MDGA2: variants seen among roughly 807,000 people sequenced by gnomAD.
MDGA2 encodes MAM domain containing glycosylphosphatidylinositol anchor 2.
Under a neutral mutation model 117.8 loss-of-function variants are expected in MDGA2, and 40 were observed. The ratio of observed to expected loss-of-function variants is 0.34; its 90% confidence interval spans 0.26 to 0.44. MDGA2 has a LOEUF of 0.44. Among genes scored for constraint, MDGA2 ranks in the 20% least tolerant of loss-of-function variants. MDGA2 has a pLI of 1.00. For synonymous variants in MDGA2, 452 were observed against 439.0 expected, an observed-to-expected ratio of 1.03 and a Z score of -0.37; for missense variants, 1,123 against 1,250.6, an observed-to-expected ratio of 0.90 and a Z score of 1.54.
Position 47,674,607 on chromosome 14 carries a change from C to T in MDGA2, c.190G>A (p.Val64Ile), listed in dbSNP as rs972988370. Residue 64 changes from valine (V) to isoleucine (I), a missense_variant, in exon 1 of 17, where the codon GTT becomes ATT. Coordinates refer to ENST00000399232, the MANE Select transcript of MDGA2 (RefSeq NM_001113498.3). ...AAATCCATCTTCACGTGAACATGAACATATCCAGCCCAGGGGGTACGCAAC... is the reference window on the plus strand; with the variant it reads ...AAATCCATCTTCACGTGAACATGAATATATCCAGCCCAGGGGGTACGCAAC... ...VPLRTPWAGY[V>I]HVHVKMDLLY... 15 of 1,550,066 alleles carry T rather than the reference C, an allele frequency of 9.7e-6. No homozygotes were observed. Among genetic ancestry groups the T allele is most frequent in the Middle Eastern group, 3.3e-4 (2 of 6,008 alleles).
At chr14:47,255,983 C>G (rs1448812389) in intron 2 of MDGA2, among the ~76,000 whole-genome samples, 1 of 152,042 alleles carries the variant, frequency 6.6e-6, no homozygotes, top group East Asian at 1.9e-4. Flanking sequence ...TCTTCCCTTC[C>G]CCTACCCCAC....
intron 1 of MDGA2, among the ~76,000 whole-genome samples, chr14:47,580,418 A>C (rs1896208406): frequency 6.6e-6 from 1 of 152,004 alleles, no homozygotes; most frequent in Non-Finnish European, 1.5e-5. Flanking sequence ...TCCATCTCTT[A>C]ATCATTTTGC....
At chr14:47,503,562 GC>G (rs1168884398) in intron 1 of MDGA2, among the ~76,000 whole-genome samples, 3 of 151,376 alleles carry the variant, frequency 2.0e-5, no homozygotes, top group Non-Finnish European at 2.9e-5. Context: ...CCGCCACCAC[GC>G]CCAGCTAATT....
At chr14:47,122,064 C>A (rs151258040) in intron 5 of MDGA2, among the ~76,000 whole-genome samples, 3 of 152,010 alleles carry the variant, frequency 2.0e-5, no homozygotes, top group African/African-American at 7.2e-5. Context: ...TTTGTAGCAA[C>A]CTCATTTCCT....
chr14:47,154,406 C>A (rs1883284714), intron 3 of MDGA2, among the ~76,000 whole-genome samples: 1 of 152,170 alleles, frequency 6.6e-6, no homozygotes. Context: ...AGGATTCCTG[C>A]CCCCTTCCAA....
intron 7 of MDGA2, chr14:47,058,690 C>A (rs1197947242): frequency 3.0e-6 from 3 of 985,142 alleles, no homozygotes; most frequent in Admixed American, 1.2e-4. Flanking sequence ...ATACTGCATT[C>A]TAGTATTCCA....
At chr14:46,850,935 C>T (rs1881032559) in intron 15 of MDGA2, among the ~76,000 whole-genome samples, 1 of 151,742 alleles carries the variant, frequency 6.6e-6, no homozygotes, top group Non-Finnish European at 1.5e-5. Context: ...CATATAATTG[C>T]CCTGGAATGT....
At chr14:46,894,458 C>G (rs1218331946) in intron 10 of MDGA2, among the ~76,000 whole-genome samples, 1 of 151,926 alleles carries the variant, frequency 6.6e-6, no homozygotes, top group Admixed American at 6.6e-5. Flanking sequence ...ATGTTGAACT[C>G]AATTACATAG....
At chr14:47,568,293 C>T (rs1041076492) in intron 1 of MDGA2, among the ~76,000 whole-genome samples, 5 of 152,130 alleles carry the variant, frequency 3.3e-5, no homozygotes, top group Non-Finnish European at 7.4e-5. Flanking sequence ...AAGCATTCAT[C>T]AGCAGTCATT....
chr14:47,000,365 GTA>G lies in MDGA2; in HGVS notation c.1819+34644_1819+34645del, dbSNP rs1412735236. 2.3e-4 allele frequency among the ~76,000 whole-genome samples: 12 copies of G among 51,430 alleles called. 1 individual carries two copies. In the South Asian group the frequency reaches 2.6e-3, roughly 11 times the overall value. The allele number at this position is 51,430 out of a possible 152,430, so 33.7% of individuals were successfully genotyped here. On this transcript the variant is annotated intron_variant, in intron 8 of 16. Transcript: ENST00000399232. ...TATATATATACACACACATATATAT[GTA>G]TATATATATTTATATATATATATTT...
At chr14:46,961,436 TCA>T in intron 8 of MDGA2, among the ~76,000 whole-genome samples, 1 of 152,122 alleles carries the variant, frequency 6.6e-6, no homozygotes. Flanking sequence ...CTGAGCTAAT[TCA>T]GTTCTTAATT....
At chr14:46,911,528 A>C (rs1026251330) in intron 10 of MDGA2, among the ~76,000 whole-genome samples, 2 of 152,242 alleles carry the variant, frequency 1.3e-5, no homozygotes, top group African/African-American at 4.8e-5. Context: ...TCCACATTTC[A>C]AGATAATTTA....
chr14:47,183,062 GGTT>G (rs776499107), intron 3 of MDGA2, among the ~76,000 whole-genome samples: 19 of 151,998 alleles, frequency 1.3e-4, no homozygotes, highest in Non-Finnish European at 2.4e-4. Context: ...ACATACATTT[GGTT>G]GTTTTCTGAA....
chr14:47,282,624 G>A (rs1449184822), intron 2 of MDGA2, among the ~76,000 whole-genome samples: 1 of 152,052 alleles, frequency 6.6e-6, no homozygotes, highest in African/African-American at 2.4e-5. Flanking sequence ...AGTGAACCAG[G>A]GAGGTGGAGC....
At chr14:46,959,103 C>A (rs1484119967) in intron 8 of MDGA2, among the ~76,000 whole-genome samples, 1 of 152,064 alleles carries the variant, frequency 6.6e-6, no homozygotes, top group Non-Finnish European at 1.5e-5. Context: ...TTAAAAAATT[C>A]TCCTTGTAGT....
chr14:47,442,193 G>A (rs1893026945), intron 1 of MDGA2, among the ~76,000 whole-genome samples: 1 of 152,106 alleles, frequency 6.6e-6, no homozygotes, highest in Admixed American at 6.6e-5. Context: ...TAAGTGGTCG[G>A]TTAAGGTATG....
intron 1 of MDGA2, among the ~76,000 whole-genome samples, chr14:47,384,510 T>C (rs1891713971): frequency 6.6e-6 from 1 of 152,110 alleles, no homozygotes; most frequent in African/African-American, 2.4e-5. Flanking sequence ...TTCTATTTTC[T>C]TCTTGGTATT....
intron 1 of MDGA2, among the ~76,000 whole-genome samples, chr14:47,414,388 A>G (rs938063979): frequency 1.3e-5 from 2 of 152,208 alleles, no homozygotes; most frequent in Non-Finnish European, 2.9e-5. Context: ...CTAGTTATGA[A>G]AAATAAACTA....
At chr14:47,554,046 A>G (rs779165609) in intron 1 of MDGA2, among the ~76,000 whole-genome samples, 1 of 152,080 alleles carries the variant, frequency 6.6e-6, no homozygotes, top group Non-Finnish European at 1.5e-5. Context: ...TTTTCTTTCA[A>G]TGAATGTTCA....
Sources: allele counts gnomAD v4.1 joint callset (sites outside exome capture counted in the v4.1 genomes callset), GRCh38; gene constraint gnomAD v4.1.1; transcripts MANE v1.5; gene names NCBI Gene and HGNC (gene_info 2026-07-23, HGNC 2026-07-21).